Variants in PCGF3 observed in about 807,000 individuals in gnomAD.
The protein encoded by PCGF3 is polycomb group ring finger 3, also known as polycomb group RING finger protein 3.
In PCGF3, 7 loss-of-function variants were observed where a neutral mutation model predicts 33.1. The ratio of observed to expected loss-of-function variants is 0.21; its 90% CI spans 0.12 to 0.40. The LOEUF (loss-of-function observed/expected upper bound fraction) is 0.40. PCGF3 is among the 10% of genes least tolerant of loss of function. The pLI, the probability that PCGF3 is intolerant of heterozygous loss-of-function variation, is 1.00. For synonymous variants in PCGF3, 153 were observed against 121.3 expected (o/e 1.26, Z -1.72); for missense variants, 211 against 313.3 (o/e 0.67, Z 2.46).
intron 6 of PCGF3, among the ~76,000 whole-genome samples, chr4:739,161 C>T (rs1743977912): frequency 6.6e-6 from 1 of 152,210 alleles, no homozygotes; most frequent in Admixed American, 6.5e-5. Context: ...TCAGTGCTGA[C>T]ATTTCTAGTT....
At chr4:762,127 A>G (rs760083249) in intron 9 of PCGF3, 42 of 976,098 alleles carry the variant, frequency 4.3e-5, no homozygotes, top group Non-Finnish European at 5.1e-5. Context: ...GCCCCAGAAG[A>G]TAAGCCACAT....
At chr4:733,603 C>T (rs562135732) in intron 3 of PCGF3, 69 bp from the exon 4 acceptor site, 62 of 1,484,774 alleles carry the variant, frequency 4.2e-5, no homozygotes, top group Non-Finnish European at 5.4e-5. Context: ...GGGCGGCTGT[C>T]AGAGCTCAGC....
At chr4:728,327 C>T (rs1267388494) in intron 1 of PCGF3, among the ~76,000 whole-genome samples, 3 of 151,278 alleles carry the variant, frequency 2.0e-5, no homozygotes, top group Admixed American at 6.6e-5. Context: ...TGTTAAGTGT[C>T]GTAAGTAATC....
At chr4:750,660 G>C (rs1450191473) in intron 8 of PCGF3, among the ~76,000 whole-genome samples, 1 of 152,068 alleles carries the variant, frequency 6.6e-6, no homozygotes, top group Non-Finnish European at 1.5e-5. Flanking sequence ...TGAGAAACAA[G>C]CAGGCAGCCT....
intron 8 of PCGF3, among the ~76,000 whole-genome samples, chr4:754,184 C>T (rs1333507641): frequency 6.6e-6 from 1 of 152,220 alleles, no homozygotes; most frequent in Admixed American, 6.5e-5. Context: ...CTCCTATACC[C>T]TGAGCAGGCT....
chr4:765,133 T>G, intron 10 of PCGF3, 69 bp downstream of exon 10: 1 of 1,088,274 alleles, frequency 9.2e-7, no homozygotes, highest in Non-Finnish European at 1.4e-6. Flanking sequence ...ATCTCTTATC[T>G]AAAATGTTAA....
chr4:737,334 G>C (rs1377505106), intron 5 of PCGF3, 132 bp from the exon 6 acceptor site: 4 of 669,814 alleles, frequency 6.0e-6, no homozygotes, highest in Non-Finnish European at 1.1e-5. Flanking sequence ...TTTTTCATGT[G>C]TAAACTAGAA....
exon 11 of PCGF3, chr4:769,398 A>C (rs1417812438): frequency 6.5e-6 from 1 of 152,710 alleles, no homozygotes; most frequent in Non-Finnish European, 1.5e-5. Context: ...CATGGAAAAT[A>C]AGTTTAGTGC....
At chr4:729,445 A>G (rs1743461839) in intron 1 of PCGF3, among the ~76,000 whole-genome samples, 1 of 152,122 alleles carries the variant, frequency 6.6e-6, no homozygotes, top group Non-Finnish European at 1.5e-5. Context: ...TAATAATTAT[A>G]ATGAGATCCT....
intron 9 of PCGF3, among the ~76,000 whole-genome samples, chr4:763,318 A>AG (rs1745172949): frequency 6.6e-6 from 1 of 152,062 alleles, no homozygotes; most frequent in South Asian, 2.1e-4. Flanking sequence ...GTGGGGCTGC[A>AG]GGGGGTGGGG....
rs1239160089 is a variant in PCGF3, at chr4:721,016, G to A, written c.-189-9614G>A. ...GAGATGACCCCATGGGCAAGCAGGA[G>A]CTCAGATGGGAGGCATGGAGCAGAC... On this transcript the variant is annotated intron_variant, in intron 1 of 10. Coordinates refer to ENST00000362003, the Ensembl canonical transcript of PCGF3. The surrounding 1 kb of genome is among the most constrained non-coding windows in gnomAD (Gnocchi z 4.1). 6.6e-6 allele frequency among the ~76,000 whole-genome samples: 1 copy of A among 152,150 alleles called. No homozygotes were observed. Among genetic ancestry groups the A allele is most frequent in the Non-Finnish European group, 1.5e-5 (1 of 68,020 alleles).
intron 9 of PCGF3, chr4:761,924 G>A (rs1745083016): frequency 6.1e-6 from 6 of 985,330 alleles, no homozygotes; most frequent in Non-Finnish European, 7.2e-6. Context: ...CATGGAGACA[G>A]AAGGCGCTGG....
chr4:723,456 G>A (rs1238127923), intron 1 of PCGF3, among the ~76,000 whole-genome samples: 1 of 152,206 alleles, frequency 6.6e-6, no homozygotes, highest in Non-Finnish European at 1.5e-5. Flanking sequence ...AGAGGGTAGG[G>A]CAGGGCAGAC....
At position 744,701 on chromosome 4, in the gene PCGF3, CGGGGGT is replaced by C. The variant is rs1560210325; in HGVS notation, c.462+14_462+19del. 9.7e-5 allele frequency: 146 copies of C among 1,503,200 alleles called. 2 individuals carry two copies. The East Asian group carries it at 2.3e-3, about 24-fold the overall frequency. 93.1% of individuals were successfully genotyped at this position (1,503,200 alleles called of 1,614,324 possible). A position where few individuals can be genotyped will look rare whatever the true frequency, so the allele number is the denominator to read the frequency against. On this transcript the variant is annotated intron_variant, in intron 8 of 10. Coordinates refer to ENST00000362003, the Ensembl canonical transcript of PCGF3. ...CAGCGACGAGCAGGTGGGCGGGGCC[CGGGGGT>C]CGCTGCAGTGTTAGTGTTCGCCGTG...
intron 8 of PCGF3, among the ~76,000 whole-genome samples, chr4:749,438 A>G (rs1744412405): frequency 6.8e-6 from 1 of 146,428 alleles, no homozygotes; most frequent in South Asian, 2.2e-4. Flanking sequence ...TTCTAGAATT[A>G]CAGGCATGAG....
intron 6 of PCGF3, among the ~76,000 whole-genome samples, chr4:737,899 C>T (rs771678614): frequency 2.0e-5 from 3 of 152,224 alleles, no homozygotes; most frequent in Non-Finnish European, 1.5e-5. Context: ...AGGAGCAGCA[C>T]GTTGGCATAG....
chr4:754,937 G>A (rs1744702054), intron 8 of PCGF3, among the ~76,000 whole-genome samples: 1 of 152,234 alleles, frequency 6.6e-6, no homozygotes, highest in South Asian at 2.1e-4. Flanking sequence ...TGGTGATCCA[G>A]ATGCAGATGG....
In PCGF3 at chr4:758,805, C is replaced by T. The variant is rs13143141; in HGVS notation, c.463-2474C>T. On this transcript the variant is annotated intron_variant, in intron 8 of 10. Transcript: ENST00000362003. ...CTCCCCGCGCGGCCCCTCTCCCGAG[C>T]TCTTCTTGCTCCGGACTCCGGGTCT... 9.7e-3 allele frequency among the ~76,000 whole-genome samples: 157 copies of T among 16,260 alleles called. 13 individuals are homozygous for T. The highest frequency in any genetic ancestry group is 0.016 in the Non-Finnish European group (105 of 6,520). 10.7% of individuals were successfully genotyped at this position (16,260 alleles called of 152,430 possible). A position where few individuals can be genotyped will look rare whatever the true frequency, so the allele number is the denominator to read the frequency against.
intron 3 of PCGF3, among the ~76,000 whole-genome samples, chr4:731,607 C>A (rs1335269004): frequency 9.4e-6 from 1 of 106,302 alleles, no homozygotes. Context: ...GGGCTCCCCT[C>A]CCCTCGTGGG....
Sources: allele counts gnomAD v4.1 joint callset (sites outside exome capture counted in the v4.1 genomes callset), GRCh38; gene constraint gnomAD v4.1.1; non-coding constraint Gnocchi (gnomAD v3.1); transcripts MANE v1.5; gene names NCBI Gene and HGNC (gene_info 2026-07-23, HGNC 2026-07-21).